Variants in PLEKHM2 observed in about 807,000 individuals in gnomAD.
PLEKHM2 encodes the protein pleckstrin homology domain-containing family M member 2.
Under a neutral mutation model 116.3 loss-of-function variants are expected in PLEKHM2, and 77 were observed. That is an observed-to-expected ratio of 0.66 (90% CI 0.55 to 0.80). PLEKHM2 has a LOEUF of 0.80. Ranked by LOEUF, PLEKHM2 falls within the 30% of genes least tolerant of loss-of-function variation. PLEKHM2 has a pLI of 0.00. For missense variants in PLEKHM2, 1,183 were observed against 1,354.9 expected (o/e 0.87, Z 1.99); for synonymous variants, 562 against 571.0 (o/e 0.98, Z 0.22).
intron 1 of PLEKHM2, among the ~76,000 whole-genome samples, chr1:15,685,782 C>G (rs1241408614): frequency 6.6e-6 from 1 of 152,020 alleles, no homozygotes; most frequent in Admixed American, 6.6e-5. Context: ...CTCGAATTGC[C>G]CTTACTGAAA....
intron 1 of PLEKHM2, among the ~76,000 whole-genome samples, chr1:15,701,325 C>T (rs975138351): frequency 6.0e-5 from 9 of 150,576 alleles, no homozygotes; most frequent in African/African-American, 1.7e-4. Context: ...CCCAACTACT[C>T]GAGAGGCTGA....
chr1:15,715,871 A>G (rs1460439013), intron 1 of PLEKHM2, among the ~76,000 whole-genome samples: 1 of 152,212 alleles, frequency 6.6e-6, no homozygotes, highest in East Asian at 1.9e-4. Context: ...TTTGTGTGGC[A>G]TTGGTCTAGA....
intron 7 of PLEKHM2, chr1:15,722,895 A>G (rs1243219195): frequency 6.6e-6 from 1 of 152,062 alleles, no homozygotes; most frequent in African/African-American, 2.4e-5. Flanking sequence ...GTCACTTGAC[A>G]AGCAGGGCCT....
chr1:15,716,851 C>A, intron 3 of PLEKHM2, 35 bp downstream of exon 3: 4 of 1,550,368 alleles, frequency 2.6e-6, no homozygotes, highest in Non-Finnish European at 3.5e-6. Context: ...GGGAAGGGAC[C>A]AGCTCCACCT....
intron 8 of PLEKHM2, among the ~76,000 whole-genome samples, 200 bp from the exon 9 acceptor site, chr1:15,726,814 C>A (rs1465818902): frequency 6.6e-6 from 1 of 151,976 alleles, no homozygotes; most frequent in African/African-American, 2.4e-5. Context: ...CCCGCCCCTG[C>A]CAGCAAAGGG....
chr1:15,689,909 A>G (rs868463563), intron 1 of PLEKHM2, among the ~76,000 whole-genome samples: 1 of 152,148 alleles, frequency 6.6e-6, no homozygotes, highest in African/African-American at 2.4e-5. Flanking sequence ...GGCATGAGCC[A>G]CTACGCCTGG....
chr1:15,717,541 G>A (rs963991585), intron 3 of PLEKHM2, among the ~76,000 whole-genome samples: 3 of 152,224 alleles, frequency 2.0e-5, no homozygotes, highest in East Asian at 3.9e-4. Context: ...AGCTGCCAGC[G>A]AGAGCTGGAC....
chr1:15,729,336 C>A lies in PLEKHM2; in HGVS notation c.2075+146C>A. ...GTATTCCCTCTGGAACCTGCATCTG[C>A]TCAGAGAGGCAGGCAAGTAGACGAC... is the stretch of plus-strand genomic sequence containing the variant. On this transcript the variant is annotated intron_variant, in intron 13 of 19. Transcript: ENST00000375799. This position sits in a 1 kb window ranked among gnomAD's most constrained non-coding sequence, Gnocchi z 4.7. The A allele has an allele frequency of 1.4e-6, 1 of 713,094 alleles. No homozygotes were observed. The allele number at this position is 713,094 out of a possible 1,614,324, so 44.2% of individuals were successfully genotyped here.
rs1378638976 is a variant in PLEKHM2 at position 15,727,605 on chromosome 1, A to G, written c.1533A>G (p.Gly511=). Residue 511 remains glycine, a synonymous_variant, in exon 9 of 20, where the codon GGA becomes GGG. Coordinates refer to ENST00000375799, the MANE Select transcript of PLEKHM2 (RefSeq NM_015164.4). This position sits in a 1 kb window ranked among gnomAD's most constrained non-coding sequence, Gnocchi z 7.5. The stretch of plus-strand genomic sequence containing the variant: ...AAGAAGAGGGAGGAGGAGGAGAGGG[A>G]CAGACGCCTCGGCCCCTAGAGGATA... The part of the protein sequence containing the change: ...GQEEEGGGGE[G]QTPRPLEDTT... The G allele has an allele frequency of 1.9e-6, 3 of 1,584,058 alleles. No homozygotes were observed. The highest frequency in any genetic ancestry group is 1.3e-5 in the African/African-American group (1 of 74,102).
At chr1:15,714,079 T>A (rs1429489117) in intron 1 of PLEKHM2, among the ~76,000 whole-genome samples, 1 of 151,838 alleles carries the variant, frequency 6.6e-6, no homozygotes, top group Non-Finnish European at 1.5e-5. Flanking sequence ...GTAGCTGGGA[T>A]TACAGGTGCC....
chr1:15,728,280 G>A lies in PLEKHM2; in HGVS notation c.1844G>A (p.Ser615Asn). 2 of 1,613,318 alleles carry A rather than the reference G, an allele frequency of 1.2e-6. No homozygotes were observed. The highest frequency in any genetic ancestry group is 2.2e-5 in the East Asian group (1 of 44,878). ...EEQLFKMIRM[S>N]TGHMEGNLQL... ...TTCGGCCCCCAGATGATCCGGATGA[G>A]CACCGGGCACATGGAGGGCAACCTG... The change falls in exon 11 of 20, where the codon AGC becomes AAC. Residue 615 changes from serine to asparagine, a missense_variant. Coordinates refer to ENST00000375799, the MANE Select transcript of PLEKHM2 (RefSeq NM_015164.4). The surrounding 1 kb of genome is among the most constrained non-coding windows in gnomAD (Gnocchi z 5.9).
At chr1:15,692,620 T>G (rs1454036008) in intron 1 of PLEKHM2, among the ~76,000 whole-genome samples, 1 of 152,238 alleles carries the variant, frequency 6.6e-6, no homozygotes, top group African/African-American at 2.4e-5. Flanking sequence ...GGTTTTTTTG[T>G]AGAGACTGAG....
upstream of PLEKHM2, chr1:15,681,692 C>A: frequency 4.6e-6 from 2 of 434,584 alleles, no homozygotes; most frequent in Non-Finnish European, 4.7e-6. Context: ...ACTCCACAAA[C>A]ACCTTTGGTA....
intron 15 of PLEKHM2, 65 bp downstream of exon 15, chr1:15,730,787 CA>C: frequency 7.6e-7 from 1 of 1,323,912 alleles, no homozygotes; most frequent in Non-Finnish European, 1.0e-6. Context: ...GTCAGGTCCC[CA>C]GCGGGGATCT....
intron 1 of PLEKHM2, among the ~76,000 whole-genome samples, chr1:15,714,020 C>T (rs930606311): frequency 6.6e-6 from 1 of 151,416 alleles, no homozygotes; most frequent in African/African-American, 2.4e-5. Flanking sequence ...CAGCTCACTG[C>T]AACCTCTGCT....
At chr1:15,730,455 AAG>A (rs1491287837) in intron 14 of PLEKHM2, 75 bp from the exon 15 acceptor site, 10 of 1,244,778 alleles carry the variant, frequency 8.0e-6, no homozygotes, top group Non-Finnish European at 1.1e-5. Flanking sequence ...AAGAAAAAAA[AAG>A]AACCAGTCCG....
At chr1:15,722,838 T>C (rs900673233) in intron 7 of PLEKHM2, 19 of 152,188 alleles carry the variant, frequency 1.2e-4, no homozygotes, top group African/African-American at 3.9e-4. Context: ...TGTTTTTTTT[T>C]CCCTCCGATT....
chr1:15,683,480 G>A (rs576819172), upstream of PLEKHM2, among the ~76,000 whole-genome samples: 3 of 150,010 alleles, frequency 2.0e-5, no homozygotes, highest in Non-Finnish European at 4.5e-5. Context: ...TGGGTGTCTC[G>A]AGTCTCTGAG....
At chr1:15,705,777 G>C (rs977798750) in intron 1 of PLEKHM2, among the ~76,000 whole-genome samples, 6 of 152,088 alleles carry the variant, frequency 3.9e-5, no homozygotes, top group Admixed American at 1.3e-4. Context: ...GCCTTTCACA[G>C]TCTGTCTACT....
Sources: gnomAD v4.1 joint callset for allele counts (sites outside exome capture counted in the v4.1 genomes callset) on GRCh38, gnomAD v4.1.1 for gene constraint, Gnocchi (gnomAD v3.1) non-coding constraint, MANE v1.5 for transcripts, NCBI Gene and HGNC (gene_info 2026-07-23, HGNC 2026-07-21) for gene names.